TENM3: variants seen among roughly 807,000 people sequenced by gnomAD.
TENM3 encodes the protein teneurin transmembrane protein 3, also known as teneurin-3.
A neutral mutation model predicts 255.1 loss-of-function variants in TENM3; 63 were observed. That is an observed-to-expected ratio of 0.25 (90% CI 0.20 to 0.30). TENM3 has a LOEUF of 0.30. TENM3 is among the 10% of genes least tolerant of loss of function. TENM3 has a pLI of 1.00. For synonymous variants in TENM3, 1,306 were observed against 1,322.3 expected (o/e 0.99, Z 0.27); for missense variants, 2,929 against 3,461.1 (o/e 0.85, Z 3.86).
chr4:181,951,655 T>C, the TENM3 span, among the ~76,000 whole-genome samples: 1 of 152,242 alleles, frequency 6.6e-6, no homozygotes, highest in Non-Finnish European at 1.5e-5. Flanking sequence ...TGGACACATG[T>C]AAACTCAACA....
the TENM3 span, among the ~76,000 whole-genome samples, chr4:181,528,206 G>T: frequency 8.3e-4 from 126 of 151,908 alleles, 10 homozygotes; most frequent in Non-Finnish European, 8.8e-5. Context: ...TTACTTTTTG[G>T]TATATACCCC....
intron 3 of TENM3, among the ~76,000 whole-genome samples, chr4:182,350,953 G>C (rs6552555): frequency 6.6e-6 from 1 of 151,998 alleles, no homozygotes; most frequent in East Asian, 1.9e-4. Flanking sequence ...AAAGTGCTGG[G>C]ATTACAGGCA....
At chr4:182,030,355 T>C in the TENM3 span, among the ~76,000 whole-genome samples, 11 of 152,088 alleles carry the variant, frequency 7.2e-5, no homozygotes, top group South Asian at 8.3e-4. Flanking sequence ...GTCCCTGCAT[T>C]AGTTTGCTGA....
the TENM3 span, among the ~76,000 whole-genome samples, chr4:181,747,614 A>G: frequency 2.6e-5 from 4 of 152,012 alleles, no homozygotes; most frequent in Non-Finnish European, 5.9e-5. Flanking sequence ...ATTATTTTAC[A>G]TGTATCAAAT....
intron 2 of TENM3, among the ~76,000 whole-genome samples, chr4:182,324,808 A>G (rs1763287457): frequency 6.6e-6 from 1 of 152,194 alleles, no homozygotes; most frequent in Non-Finnish European, 1.5e-5. Context: ...TAGTAAATTA[A>G]GTTTATACCT....
At chr4:182,034,734 G>T in the TENM3 span, among the ~76,000 whole-genome samples, 6 of 152,150 alleles carry the variant, frequency 3.9e-5, no homozygotes, top group Admixed American at 2.6e-4. Context: ...AGCTTGTAGG[G>T]TTTCTGCTGA....
At position 182,734,456 on chromosome 4, in the gene TENM3, G is replaced by A. The variant is rs116304271; in HGVS notation, c.2968-2352G>A. On this transcript the variant is annotated intron_variant, in intron 16 of 27. Coordinates refer to ENST00000511685, the MANE Select transcript of TENM3 (RefSeq NM_001080477.4). ...GTGGCAAAACGCACTTGAAAGAAGC[G>A]CAGAAGATATTGATAGAAAAGAGAA... is the stretch of plus-strand genomic sequence containing the variant. Among the ~76,000 whole-genome samples the A allele has an allele frequency of 3.5e-3, 528 of 152,288 alleles. 4 individuals are homozygous for A. The highest frequency in any genetic ancestry group is 0.012 in the African/African-American group (494 of 41,560).
the TENM3 span, among the ~76,000 whole-genome samples, chr4:181,803,375 G>A: frequency 1.4e-4 from 21 of 152,196 alleles, 1 homozygote; most frequent in Non-Finnish European, 1.5e-4. Flanking sequence ...TAAGGACAGA[G>A]CTGTTGTATT....
chr4:182,040,973 T>C, the TENM3 span, among the ~76,000 whole-genome samples: 2 of 152,192 alleles, frequency 1.3e-5, no homozygotes, highest in African/African-American at 4.8e-5. Context: ...GGCATTGATT[T>C]ACTTTTGCTG....
At chr4:182,243,529 C>G (rs2150077153) in intron 1 of TENM3, 53 bp downstream of exon 1, 1 of 152,310 alleles carries the variant, frequency 6.6e-6, no homozygotes, top group South Asian at 2.1e-4. Context: ...ACGGATGAGA[C>G]AGCCTAGAAG....
intron 22 of TENM3, among the ~76,000 whole-genome samples, chr4:182,767,570 A>ATG (rs779926501): frequency 4.6e-5 from 7 of 152,198 alleles, no homozygotes; most frequent in Non-Finnish European, 1.0e-4. Flanking sequence ...TCTGTATAAA[A>ATG]TGTGTGTGTG....
chr4:181,863,899 G>A, the TENM3 span, among the ~76,000 whole-genome samples: 2 of 152,112 alleles, frequency 1.3e-5, no homozygotes, highest in Non-Finnish European at 2.9e-5. Flanking sequence ...AGCCCATGAT[G>A]AGCAAATATA....
chr4:181,977,941 G>A, the TENM3 span, among the ~76,000 whole-genome samples: 1 of 152,210 alleles, frequency 6.6e-6, no homozygotes, highest in Non-Finnish European at 1.5e-5. Context: ...AAAGACGATA[G>A]CAAAGTCAAG....
the TENM3 span, among the ~76,000 whole-genome samples, chr4:181,468,347 G>A: frequency 6.6e-6 from 1 of 152,044 alleles, no homozygotes; most frequent in Non-Finnish European, 1.5e-5. Flanking sequence ...CTAGCCCACT[G>A]GTTTTATTCC....
chr4:181,548,152 C>A, the TENM3 span, among the ~76,000 whole-genome samples: 1 of 152,120 alleles, frequency 6.6e-6, no homozygotes, highest in Non-Finnish European at 1.5e-5. Context: ...ATTAAAAAGT[C>A]AGGAAACAAC....
chr4:182,433,233 A>G (rs1403471773), intron 3 of TENM3, among the ~76,000 whole-genome samples: 3 of 152,296 alleles, frequency 2.0e-5, no homozygotes, highest in South Asian at 2.1e-4. Flanking sequence ...GGAGAATGGC[A>G]TCTAGATATT....
intron 16 of TENM3, among the ~76,000 whole-genome samples, chr4:182,731,952 T>C (rs1050199023): frequency 5.3e-5 from 8 of 152,066 alleles, no homozygotes; most frequent in South Asian, 2.1e-4. Context: ...AAGCTAATTT[T>C]TTGTATTTTT....
chr4:181,813,731 G>A, the TENM3 span, among the ~76,000 whole-genome samples: 1 of 152,186 alleles, frequency 6.6e-6, no homozygotes, highest in Non-Finnish European at 1.5e-5. Flanking sequence ...GCCTCTGAGG[G>A]AGGGGAGTGC....
At chr4:182,398,327 A>G (rs1268603209) in intron 3 of TENM3, among the ~76,000 whole-genome samples, 1 of 152,132 alleles carries the variant, frequency 6.6e-6, no homozygotes, top group East Asian at 1.9e-4. Flanking sequence ...TGTAAGGACA[A>G]GGGGACACAC....
Sources: gnomAD v4.1 joint callset for allele counts (sites outside exome capture counted in the v4.1 genomes callset) on GRCh38, gnomAD v4.1.1 for gene constraint, MANE v1.5 for transcripts, NCBI Gene and HGNC (gene_info 2026-07-23, HGNC 2026-07-21) for gene names.